Variants in PRCC observed in about 807,000 individuals in gnomAD.
PRCC encodes the protein proline rich mitotic checkpoint control factor.
Under a neutral mutation model 44.0 loss-of-function variants are expected in PRCC, and 10 were observed. The observed-to-expected ratio is 0.23, with a 90% CI of 0.14 to 0.39. PRCC has a LOEUF of 0.39. Ranked by LOEUF, PRCC falls within the 10% of genes least tolerant of loss-of-function variation. The pLI, the probability that PRCC is intolerant of heterozygous loss-of-function variation, is 1.00. For missense variants in PRCC, 573 were observed against 624.7 expected, an observed-to-expected ratio of 0.92 and a Z score of 0.88; for synonymous variants, 278 against 259.5, an observed-to-expected ratio of 1.07 and a Z score of -0.69.
chr1:156,775,006 T>C (rs1053199845), intron 1 of PRCC, among the ~76,000 whole-genome samples: 1 of 149,552 alleles, frequency 6.7e-6, no homozygotes, highest in Non-Finnish European at 1.5e-5. Context: ...CCCAGCACTT[T>C]GGGAGGCTGA....
At chr1:156,794,377 C>T (rs988674270) in intron 4 of PRCC, among the ~76,000 whole-genome samples, 2 of 152,160 alleles carry the variant, frequency 1.3e-5, no homozygotes, top group African/African-American at 4.8e-5. Context: ...TAGTGGTAGG[C>T]AGATACCGTT....
chr1:156,797,135 G>T (rs553359244), intron 5 of PRCC, 141 bp from the exon 6 acceptor site: 3 of 917,554 alleles, frequency 3.3e-6, no homozygotes, highest in Admixed American at 2.2e-5. Context: ...GTATATAGAG[G>T]TAAAAACAGC....
intron 5 of PRCC, among the ~76,000 whole-genome samples, chr1:156,795,282 G>GGT (rs1491394577): frequency 1.0e-4 from 6 of 59,110 alleles, no homozygotes; most frequent in African/African-American, 3.1e-4. Flanking sequence ...TTCATTTTCT[G>GGT]GTGTTTTTTT....
chr1:156,794,573 T>G, intron 4 of PRCC, 92 bp from the exon 5 acceptor site: 6 of 1,479,994 alleles, frequency 4.1e-6, no homozygotes, highest in Non-Finnish European at 5.5e-6. Context: ...GATTGGTGAG[T>G]CACAAAATCA....
At chr1:156,768,930 G>C (rs1346989215) in intron 1 of PRCC, among the ~76,000 whole-genome samples, 1 of 152,182 alleles carries the variant, frequency 6.6e-6, no homozygotes, top group African/African-American at 2.4e-5. Flanking sequence ...TCAGATCTGT[G>C]CCTCATATTC....
chr1:156,768,105 T>A lies in PRCC; in HGVS notation c.334T>A (p.Leu112Met). The A allele has an allele frequency of 1.9e-6, 3 of 1,582,102 alleles. No individual in the cohort carries two copies. The highest frequency in any genetic ancestry group is 2.6e-6 in the Non-Finnish European group (3 of 1,164,090). Residue 112 changes from leucine (L) to methionine (M), a missense_variant, in exon 1 of 7, where the codon TTG becomes ATG. By Grantham distance (15) the Leu-to-Met change is conservative (BLOSUM62 2). Coordinates refer to ENST00000271526, the MANE Select transcript of PRCC (RefSeq NM_005973.5). ...AGTTGGGGAGGGACTGGGATTGGGG[T>A]TGCCCTCGCCCCGAGGCCCTGGCCT... ...AGVGEGLGLG[L>M]PSPRGPGLNL...
chr1:156,774,525 T>A (rs1044519431), intron 1 of PRCC, among the ~76,000 whole-genome samples: 5 of 152,038 alleles, frequency 3.3e-5, no homozygotes, highest in African/African-American at 1.2e-4. Flanking sequence ...CTCAGTCTGT[T>A]GCCCAGGCTG....
rs764367407 is a variant in PRCC at position 156,768,016 on chromosome 1, C to G, written c.245C>G (p.Pro82Arg). The change falls in exon 1 of 7, where the codon CCC (proline) becomes CGC (arginine). Residue 82 changes from proline (P) to arginine (R), a missense_variant. Physicochemically the swap from Pro to Arg is moderately radical, Grantham distance 103 (BLOSUM62 -2). This residue lies in a region of PRCC where 245 missense variants were observed against 188.5 expected (regional missense o/e 1.30). Coordinates refer to ENST00000271526, the MANE Select transcript of PRCC (RefSeq NM_005973.5). ...GACCCCAGGCTTCAGCCTCCTCCCC[C>G]CTTGCCCTTCGGCCTGGGAGGCTTC... ...TGDPRLQPPP[P>R]LPFGLGGFPP... The G allele has an allele frequency of 2.9e-5, 46 of 1,569,780 alleles. No homozygotes were observed. The highest frequency in any genetic ancestry group is 3.7e-5 in the Non-Finnish European group (43 of 1,156,334).
rs1430128690 is a variant in PRCC, at chr1:156,786,986, C to G, written c.895C>G (p.Pro299Ala). ...EPYPYPIPTV[P>A]EELPPGTEPE... ...ATACCCTTACCCCATCCCCACTGTC[C>G]CTGAAGAGCTGCCTCCAGGCACGGA... The change falls in exon 3 of 7, where the codon CCT becomes GCT. Residue 299 changes from proline to alanine, a missense_variant. Physicochemically the swap from Pro to Ala is conservative, Grantham distance 27. Transcript: ENST00000271526. 7 of 1,614,176 alleles carry G rather than the reference C, an allele frequency of 4.3e-6. No homozygotes were observed. Among genetic ancestry groups the G allele is most frequent in the Non-Finnish European group, 5.1e-6 (6 of 1,180,022 alleles).
In PRCC at chr1:156,786,602, C is replaced by T. The variant is rs1293503101; in HGVS notation, c.517-6C>T. 6.2e-7 allele frequency: 1 copy of T among 1,605,244 alleles called. No individual in the cohort carries two copies. ...TTTCCTCCTATCCCACACCTGGGCT[C>T]ACCAGGGATCCAGTGAGGGGACTGG... is the stretch of plus-strand genomic sequence containing the variant. On this transcript the variant is annotated splice_region_variant and splice_polypyrimidine_tract_variant and intron_variant, in intron 2 of 6. Transcript: ENST00000271526.
rs754130413 is a variant in PRCC at position 156,767,791 on chromosome 1, C to A, written c.20C>A (p.Ala7Asp). 2 of 1,607,056 alleles carry A rather than the reference C, an allele frequency of 1.2e-6. No homozygotes were observed. Among genetic ancestry groups the A allele is most frequent in the Admixed American group, 1.7e-5 (1 of 59,348 alleles). The change falls in exon 1 of 7, where the codon GCC (alanine) becomes GAC (aspartate). Residue 7 changes from alanine (A) to aspartate (D), a missense_variant. Ala to Asp is a moderately radical substitution (Grantham distance 126, BLOSUM62 -2). This residue lies in a region of PRCC where 245 missense variants were observed against 188.5 expected (regional missense o/e 1.30). Transcript: ENST00000271526. ...GGCGCCATGTCGCTGGTTGCTTACG[C>A]CAGCAGCGATGAGAGCGAGCCGGAT... is the stretch of plus-strand genomic sequence containing the variant. MSLVAY[A>D]SSDESEPDEA...
chr1:156,788,343 T>A (rs1334032960), intron 3 of PRCC, among the ~76,000 whole-genome samples: 4 of 152,238 alleles, frequency 2.6e-5, no homozygotes, highest in African/African-American at 4.8e-5. Flanking sequence ...TTCTTTTTTT[T>A]ATGGCTGTGT....
At chr1:156,790,856 A>G (rs1652448037) in intron 3 of PRCC, among the ~76,000 whole-genome samples, 1 of 152,232 alleles carries the variant, frequency 6.6e-6, no homozygotes, top group African/African-American at 2.4e-5. Flanking sequence ...CTGGATTTTT[A>G]TATATTATTT....
intron 4 of PRCC, among the ~76,000 whole-genome samples, chr1:156,792,054 T>C (rs925848711): frequency 7.6e-5 from 1 of 13,230 alleles, no homozygotes; most frequent in South Asian, 3.9e-3. Context: ...AGTCCCCTTC[T>C]TTTTTTTTTT....
chr1:156,782,070 G>A (rs932801332), intron 1 of PRCC, among the ~76,000 whole-genome samples: 2 of 152,204 alleles, frequency 1.3e-5, no homozygotes, highest in Admixed American at 6.5e-5. Context: ...AATCAAGGGA[G>A]GCCAAGGCAT....
chr1:156,769,893 C>T (rs947130271), intron 1 of PRCC, among the ~76,000 whole-genome samples: 1 of 152,202 alleles, frequency 6.6e-6, no homozygotes, highest in African/African-American at 2.4e-5. Flanking sequence ...AGCCGCAGCA[C>T]CCGGCCACTT....
rs369713102 is a variant in PRCC, at chr1:156,767,965, C to T, written c.194C>T (p.Pro65Leu). 5.7e-4 allele frequency: 910 copies of T among 1,585,546 alleles called. 1 individual carries two copies. The highest frequency in any genetic ancestry group is 6.0e-4 in the Non-Finnish European group (694 of 1,165,808). The change falls in exon 1 of 7, where the codon CCG becomes CTG. Residue 65 changes from proline to leucine, a missense_variant. Pro to Leu is a moderately conservative substitution (Grantham distance 98). This residue lies in a region of PRCC where 245 missense variants were observed against 188.5 expected (regional missense o/e 1.30). Transcript: ENST00000271526. The stretch of plus-strand genomic sequence containing the variant: ...ATGCTGGCGCCAGCCTTTCCCCCGC[C>T]GCTGTTGCTTCCCCCACCCACCGGA... ...PQMLAPAFPP[P>L]LLLPPPTGDP...
At chr1:156,782,110 C>G (rs2274504) in intron 1 of PRCC, among the ~76,000 whole-genome samples, 172 bp from the exon 2 acceptor site, 1 of 152,184 alleles carries the variant, frequency 6.6e-6, no homozygotes, top group East Asian at 1.9e-4. Context: ...TGTTTGAGAT[C>G]AGGAAGGGAG....
In PRCC at chr1:156,767,964, C is replaced by G. The variant is rs531135622; in HGVS notation, c.193C>G (p.Pro65Ala). Residue 65 changes from proline to alanine, a missense_variant, in exon 1 of 7, where the codon CCG becomes GCG. Pro to Ala is a conservative substitution (Grantham distance 27, BLOSUM62 -1). Coordinates refer to ENST00000271526, the MANE Select transcript of PRCC (RefSeq NM_005973.5). ...GATGCTGGCGCCAGCCTTTCCCCCG[C>G]CGCTGTTGCTTCCCCCACCCACCGG... Reference protein sequence around the residue: ...PQMLAPAFPPPLLLPPPTGDP... With the variant: ...PQMLAPAFPPALLLPPPTGDP... 6.3e-7 allele frequency: 1 copy of G among 1,585,706 alleles called. No individual in the cohort carries two copies. Among genetic ancestry groups the G allele is most frequent in the African/African-American group, 1.3e-5 (1 of 74,590 alleles).
Sources: gnomAD v4.1 joint callset for allele counts (sites outside exome capture counted in the v4.1 genomes callset) on GRCh38, gnomAD v4.1.1 for gene constraint, gnomAD v4.1.1 regional missense constraint, MANE v1.5 for transcripts, NCBI Gene and HGNC (gene_info 2026-07-23, HGNC 2026-07-21) for gene names.